Variants in LPAR1 observed in about 807,000 individuals in gnomAD.
The protein encoded by LPAR1 is lysophosphatidic acid receptor 1, also known as LPA receptor 1.
In LPAR1, 5 loss-of-function variants were observed where a neutral mutation model predicts 23.8. The ratio of observed to expected loss-of-function variants is 0.21; its 90% CI spans 0.11 to 0.44. The LOEUF (loss-of-function observed/expected upper bound fraction) is 0.44. Ranked by LOEUF, LPAR1 falls within the 20% of genes least tolerant of loss-of-function variation. The pLI, the probability that LPAR1 is intolerant of heterozygous loss-of-function variation, is 0.99. For synonymous variants in LPAR1, 160 were observed against 164.7 expected, an observed-to-expected ratio of 0.97 and a Z score of 0.22; for missense variants, 311 against 482.8, an observed-to-expected ratio of 0.64 and a Z score of 3.33.
intron 5 of LPAR1, among the ~76,000 whole-genome samples, chr9:110,898,120 G>A (rs1490991492): frequency 6.6e-6 from 1 of 152,188 alleles, no homozygotes; most frequent in Non-Finnish European, 1.5e-5. Flanking sequence ...GGAATCCAGT[G>A]AAAGCCATGG....
chr9:111,004,271 G>A (rs1201417892), intron 2 of LPAR1, among the ~76,000 whole-genome samples: 1 of 152,058 alleles, frequency 6.6e-6, no homozygotes, highest in Admixed American at 6.5e-5. Context: ...TCTCTCTTCT[G>A]TGGCTTCAGT....
chr9:110,955,107 A>T (rs2095694657), intron 4 of LPAR1, among the ~76,000 whole-genome samples: 1 of 152,252 alleles, frequency 6.6e-6, no homozygotes, highest in Non-Finnish European at 1.5e-5. Context: ...AAGAATGTAA[A>T]CAGATTAAAC....
At chr9:110,882,247 C>A (rs2081082838) in intron 5 of LPAR1, among the ~76,000 whole-genome samples, 1 of 152,130 alleles carries the variant, frequency 6.6e-6, no homozygotes, top group Non-Finnish European at 1.5e-5. Context: ...AGAATATTAA[C>A]TTCATGAAGG....
At chr9:110,917,352 A>T (rs962732744) in intron 5 of LPAR1, among the ~76,000 whole-genome samples, 4 of 152,036 alleles carry the variant, frequency 2.6e-5, no homozygotes, top group African/African-American at 7.2e-5. Flanking sequence ...TCCATCTCAA[A>T]AATAATAATA....
intron 2 of LPAR1, among the ~76,000 whole-genome samples, chr9:110,975,418 C>T (rs1362890352): frequency 6.6e-6 from 1 of 152,100 alleles, no homozygotes; most frequent in African/African-American, 2.4e-5. Context: ...AGATACTATT[C>T]AGTTATTTTA....
At chr9:111,016,707 T>C (rs572987046) in intron 2 of LPAR1, among the ~76,000 whole-genome samples, 7 of 152,304 alleles carry the variant, frequency 4.6e-5, no homozygotes, top group African/African-American at 1.7e-4. Flanking sequence ...AAAATATCCT[T>C]TTGCATGAAG....
chr9:111,021,374 C>T lies in LPAR1; in HGVS notation c.-182+14748G>A, dbSNP rs149850431. 6.6e-5 allele frequency among the ~76,000 whole-genome samples: 10 copies of T among 152,258 alleles called. 1 individual carries two copies. The highest frequency in any genetic ancestry group is 2.2e-4 in the African/African-American group (9 of 41,544). On this transcript the variant is annotated intron_variant, in intron 2 of 5. Coordinates refer to ENST00000683809, the MANE Select transcript of LPAR1 (RefSeq NM_001351411.2). ...GCCAAGTACCTTTAATTCTCTTTCA[C>T]ATAAGCCCATTTCTTATAAAATATT...
At chr9:110,878,190 G>C (rs2079638199) in intron 5 of LPAR1, among the ~76,000 whole-genome samples, 1 of 152,102 alleles carries the variant, frequency 6.6e-6, no homozygotes, top group Non-Finnish European at 1.5e-5. Context: ...GGATCTTCAA[G>C]ACTCAATCCA....
intron 5 of LPAR1, among the ~76,000 whole-genome samples, chr9:110,878,847 G>A (rs1175620047): frequency 2.0e-5 from 3 of 152,140 alleles, no homozygotes; most frequent in Non-Finnish European, 4.4e-5. Context: ...ATGTCAAAAG[G>A]CTCTGAGACA....
chr9:110,976,231 G>A (rs969150334), intron 2 of LPAR1, among the ~76,000 whole-genome samples: 2 of 151,238 alleles, frequency 1.3e-5, no homozygotes, highest in South Asian at 2.1e-4. Flanking sequence ...GGTGGTTCAC[G>A]TCTGTAATCC....
At chr9:110,902,355 G>A (rs1471980348) in intron 5 of LPAR1, among the ~76,000 whole-genome samples, 1 of 152,090 alleles carries the variant, frequency 6.6e-6, no homozygotes, top group African/African-American at 2.4e-5. Flanking sequence ...GGAGGTTATT[G>A]AATCATGGGG....
intron 5 of LPAR1, among the ~76,000 whole-genome samples, chr9:110,930,809 G>T (rs185576840): frequency 3.3e-5 from 5 of 152,130 alleles, no homozygotes; most frequent in Non-Finnish European, 7.4e-5. Flanking sequence ...CAGCTACCCC[G>T]GAGGCTGAGG....
At chr9:110,885,375 T>C (rs1564364063) in intron 5 of LPAR1, among the ~76,000 whole-genome samples, 1 of 152,224 alleles carries the variant, frequency 6.6e-6, no homozygotes, top group Non-Finnish European at 1.5e-5. Flanking sequence ...AGCTTTTCCC[T>C]GTACCTAAAA....
intron 5 of LPAR1, among the ~76,000 whole-genome samples, chr9:110,901,823 G>C (rs2089181913): frequency 6.6e-6 from 1 of 152,256 alleles, no homozygotes; most frequent in Non-Finnish European, 1.5e-5. Flanking sequence ...TAGAAAAATA[G>C]AGAACTTTCT....
At chr9:111,019,277 C>T (rs980323471) in intron 2 of LPAR1, among the ~76,000 whole-genome samples, 2 of 151,934 alleles carry the variant, frequency 1.3e-5, no homozygotes, top group Non-Finnish European at 2.9e-5. Context: ...TGGTCAACAT[C>T]GCAAGACACC....
Position 110,874,923 on chromosome 9 carries a change from G to A in LPAR1, c.*498C>T, listed in dbSNP as rs745325943. On this transcript the variant is annotated 3_prime_UTR_variant, in exon 6 of 6. Transcript: ENST00000683809. ...CAACTTACAGTTTTCCTATGTAAGGGAAAAAATGGAATTATGGTAGTTTAA... is the reference window on the plus strand; with the variant it reads ...CAACTTACAGTTTTCCTATGTAAGGAAAAAAATGGAATTATGGTAGTTTAA... The A allele has an allele frequency of 2.6e-5, 4 of 152,494 alleles. No homozygotes were observed. The highest frequency in any genetic ancestry group is 5.9e-5 in the Non-Finnish European group (4 of 68,118). 9.4% of individuals were successfully genotyped at this position (152,494 alleles called of 1,614,324 possible).
Position 110,877,500 on chromosome 9 carries a change from CA to C in LPAR1, c.794-1779del, listed in dbSNP as rs1256078057. On this transcript the variant is annotated intron_variant, in intron 5 of 5. Coordinates refer to ENST00000683809, the MANE Select transcript of LPAR1 (RefSeq NM_001351411.2). ...TCCTTGAATTTCCTTGCTTGAAAAT[CA>C]CTCAGAAAGCTAAACATAAAGGAAA... 2.6e-5 allele frequency among the ~76,000 whole-genome samples: 4 copies of C among 152,222 alleles called. No homozygotes were observed. In the East Asian group the frequency reaches 7.7e-4, roughly 29 times the overall value.
At chr9:110,886,405 C>G (rs1411140891) in intron 5 of LPAR1, among the ~76,000 whole-genome samples, 1 of 120,920 alleles carries the variant, frequency 8.3e-6, no homozygotes, top group Non-Finnish European at 1.7e-5. Context: ...CATTATTACC[C>G]ATCAATAACC....
Position 110,941,767 on chromosome 9 carries a change from C to A in LPAR1, c.447G>T (p.Thr149=), listed in dbSNP as rs375837084. 120 of 1,614,034 alleles carry A rather than the reference C, an allele frequency of 7.4e-5. No individual in the cohort carries two copies. Among genetic ancestry groups the A allele is most frequent in the Non-Finnish European group, 9.7e-5 (115 of 1,180,020 alleles). Reference sequence around the variant, plus strand: ...GTGTGTGGAGCTGCATGCGGAAAACCGTAATGTGCCTCTCGATTGCAATAG... The same window carrying A: ...GTGTGTGGAGCTGCATGCGGAAAACAGTAATGTGCCTCTCGATTGCAATAG... ...LLAIAIERHI[T]VFRMQLHTRM... The change falls in exon 5 of 6, where the codon ACG becomes ACT. Residue 149 remains threonine (T), a synonymous_variant. Coordinates refer to ENST00000683809, the MANE Select transcript of LPAR1 (RefSeq NM_001351411.2). This position sits in a 1 kb window ranked among gnomAD's most constrained non-coding sequence, Gnocchi z 6.1.
Sources: allele counts gnomAD v4.1 joint callset (sites outside exome capture counted in the v4.1 genomes callset), GRCh38; gene constraint gnomAD v4.1.1; non-coding constraint Gnocchi (gnomAD v3.1); transcripts MANE v1.5; gene names NCBI Gene and HGNC (gene_info 2026-07-23, HGNC 2026-07-21).